The following SMURF2 variants were observed in gnomAD, a reference collection of about 807,000 sequenced individuals.
The protein encoded by SMURF2 is E3 ubiquitin-protein ligase SMURF2.
A neutral mutation model predicts 109.6 loss-of-function variants in SMURF2; 48 were observed. That is an observed-to-expected ratio of 0.44 (90% CI 0.35 to 0.56). The LOEUF (loss-of-function observed/expected upper bound fraction) is 0.56, where lower values mean the gene tolerates loss of function less well. Ranked by LOEUF, SMURF2 falls within the 20% of genes least tolerant of loss-of-function variation. SMURF2 has a pLI of 0.01. For synonymous variants in SMURF2, 288 were observed against 317.1 expected (o/e 0.91, Z 0.97); for missense variants, 575 against 909.0 (o/e 0.63, Z 4.72).
In SMURF2 at chr17:64,662,060, G is replaced by A; in HGVS notation, c.-180C>T. Reference sequence around the variant, plus strand: ...TGAGCCGCGGAGGGAGCGGGACGCCGAGCTCCCCCCTCCTCCCACTTCTCC... The same window carrying A: ...TGAGCCGCGGAGGGAGCGGGACGCCAAGCTCCCCCCTCCTCCCACTTCTCC... On this transcript the variant is annotated 5_prime_UTR_variant, in exon 1 of 19. Transcript: ENST00000262435. 2 of 1,104,160 alleles carry A rather than the reference G, an allele frequency of 1.8e-6. No individual in the cohort carries two copies. The highest frequency in any genetic ancestry group is 2.2e-6 in the Non-Finnish European group (2 of 906,512). 68.4% of individuals were successfully genotyped at this position (1,104,160 alleles called of 1,614,324 possible).
chr17:64,551,667 C>G lies in SMURF2; in HGVS notation c.1786G>C (p.Ala596Pro). Residue 596 changes from alanine to proline, a missense_variant, in exon 16 of 19, where the codon GCT becomes CCT. Ala to Pro is a conservative substitution (Grantham distance 27). Around this residue, in one of 5 missense-constraint regions of SMURF2, gnomAD observed 361 missense variants for 612.1 expected, o/e 0.59. Transcript: ENST00000262435. ...CCTTTCTGCAGAGCCAAGAATTGAG[C>G]CTCAATGCCTCGTAAAAATCTCCAG... ...VNWRFLRGIE[A>P]QFLALQKGFN... is the part of the protein sequence containing the mutation. The G allele has an allele frequency of 6.2e-7, 1 of 1,614,074 alleles. No homozygotes were observed. Among genetic ancestry groups the G allele is most frequent in the Non-Finnish European group, 8.5e-7 (1 of 1,179,978 alleles).
In SMURF2 at chr17:64,627,081, A is replaced by T. The variant is rs555451259; in HGVS notation, c.53-20441T>A. On this transcript the variant is annotated intron_variant, in intron 1 of 18. Coordinates refer to ENST00000262435, the MANE Select transcript of SMURF2 (RefSeq NM_022739.4). ...AAATTACAGATTCACAAACAAAATA[A>T]ATGTTGTTTTAAGCCACTAAGTTTT... is the stretch of plus-strand genomic sequence containing the variant. Among the ~76,000 whole-genome samples the T allele has an allele frequency of 3.3e-5, 5 of 151,214 alleles. No homozygotes were observed. In the East Asian group the frequency reaches 9.7e-4, roughly 29 times the overall value.
At chr17:64,649,598 T>C (rs1307544413) in intron 1 of SMURF2, among the ~76,000 whole-genome samples, 1 of 152,076 alleles carries the variant, frequency 6.6e-6, no homozygotes, top group Non-Finnish European at 1.5e-5. Context: ...TCCCAGCACT[T>C]TGGGAGGCTG....
intron 8 of SMURF2, 71 bp downstream of exon 8, chr17:64,580,718 A>G: frequency 2.8e-6 from 4 of 1,444,972 alleles, no homozygotes; most frequent in Non-Finnish European, 3.9e-6. Flanking sequence ...TTTTCAAAAT[A>G]TATTTTCTGA....
intron 10 of SMURF2, among the ~76,000 whole-genome samples, chr17:64,570,879 C>G (rs547925252): frequency 6.6e-6 from 1 of 152,314 alleles, no homozygotes; most frequent in Admixed American, 6.5e-5. Flanking sequence ...CTCCTGAGCT[C>G]AAGAGATCCT....
chr17:64,631,328 C>CAGAGAGAGAG (rs1282544902), intron 1 of SMURF2, among the ~76,000 whole-genome samples: 1,237 of 65,018 alleles, frequency 0.019, 43 homozygotes, highest in African/African-American at 0.079. Context: ...GAGAGAGAGA[C>CAGAGAGAGAG]AGAGAGAGAG....
chr17:64,572,125 C>G (rs1969406950), intron 9 of SMURF2, among the ~76,000 whole-genome samples, 169 bp from the exon 10 acceptor site: 1 of 152,234 alleles, frequency 6.6e-6, no homozygotes, highest in Non-Finnish European at 1.5e-5. Flanking sequence ...AAACTTTCAT[C>G]TTCAAAGCCC....
At chr17:64,592,847 A>G (rs1397205126) in intron 4 of SMURF2, among the ~76,000 whole-genome samples, 4 of 152,346 alleles carry the variant, frequency 2.6e-5, no homozygotes, top group African/African-American at 7.2e-5. Context: ...CTAAATCCTC[A>G]GGCTGATGAT....
chr17:64,660,189 A>T (rs917135298), intron 1 of SMURF2, among the ~76,000 whole-genome samples: 1 of 152,020 alleles, frequency 6.6e-6, no homozygotes, highest in African/African-American at 2.4e-5. Flanking sequence ...CAAAAACCCA[A>T]TTTTTTCCCT....
chr17:64,627,712 G>C (rs1555691283), intron 1 of SMURF2, among the ~76,000 whole-genome samples: 1 of 152,116 alleles, frequency 6.6e-6, no homozygotes, highest in South Asian at 2.1e-4. Context: ...ATACAAAACA[G>C]AGGCAGTTAG....
rs190443616 is a variant in SMURF2 at position 64,611,658 on chromosome 17, C to T, written c.53-5018G>A. ...TTACCGATGCCAACACCTTAGTCCA[C>T]CATCTACTGTCTAGGTAATTACAAC... On this transcript the variant is annotated intron_variant, in intron 1 of 18. Transcript: ENST00000262435. 1.0e-3 allele frequency among the ~76,000 whole-genome samples: 157 copies of T among 152,302 alleles called. 1 individual carries two copies. The Middle Eastern group carries it at 0.017, about 16-fold the overall frequency.
chr17:64,607,328 T>G (rs1265578193), intron 1 of SMURF2, among the ~76,000 whole-genome samples: 1 of 152,090 alleles, frequency 6.6e-6, no homozygotes, highest in East Asian at 1.9e-4. Flanking sequence ...ATTGCCCACT[T>G]TAAAGAGGAT....
At chr17:64,597,280 G>GC (rs1555688174) in intron 3 of SMURF2, among the ~76,000 whole-genome samples, 2 of 152,066 alleles carry the variant, frequency 1.3e-5, no homozygotes, top group Non-Finnish European at 2.9e-5. Flanking sequence ...GGGCATGGTG[G>GC]CATGCACCTG....
chr17:64,596,420 A>G (rs1969817718), intron 3 of SMURF2, among the ~76,000 whole-genome samples: 1 of 151,968 alleles, frequency 6.6e-6, no homozygotes, highest in Non-Finnish European at 1.5e-5. Context: ...TGTATTCAAC[A>G]TTTGGAGGTA....
intron 11 of SMURF2, 47 bp from the exon 12 acceptor site, chr17:64,561,650 G>T: frequency 7.2e-7 from 1 of 1,391,768 alleles, no homozygotes; most frequent in Non-Finnish European, 1.0e-6. Flanking sequence ...GGTCCTTTTA[G>T]CCTATTACTT....
rs781945084 is a variant in SMURF2 at position 64,562,892 on chromosome 17, G to A, written c.1091C>T (p.Thr364Ile). ...SLCPDDTECL[T>I]VPRYKRDLVQ... ...CAGGTCTCGCTTGTACCTTGGGACT[G>A]TCAGGCATTCTGTGTCATCAGGACA... Residue 364 changes from threonine to isoleucine, a missense_variant, in exon 11 of 19, where the codon ACA becomes ATA. Thr to Ile is a moderately conservative substitution (Grantham distance 89). Coordinates refer to ENST00000262435, the MANE Select transcript of SMURF2 (RefSeq NM_022739.4). 1 of 1,614,180 alleles carries A rather than the reference G, an allele frequency of 6.2e-7. No homozygotes were observed. Among genetic ancestry groups the A allele is most frequent in the Non-Finnish European group, 8.5e-7 (1 of 1,180,026 alleles).
intron 2 of SMURF2, 37 bp from the exon 3 acceptor site, chr17:64,598,527 A>G (rs1555688283): frequency 2.6e-6 from 4 of 1,509,536 alleles, no homozygotes; most frequent in Admixed American, 3.7e-5. Context: ...ATAATTTGAC[A>G]TTTAAGATAG....
Position 64,549,787 on chromosome 17 carries a change from AAAAC to A in SMURF2, c.1869+1793_1869+1796del, listed in dbSNP as rs570779023. Among the ~76,000 whole-genome samples the A allele has an allele frequency of 1.6e-3, 244 of 152,236 alleles. 1 individual carries two copies. Among genetic ancestry groups the A allele is most frequent in the South Asian group, 4.8e-3 (23 of 4,822 alleles). ...AATAAAAAAAAGAAAAAAGAGAAGAAAAACAAAGTTTCATGACCCATTAGCAGTA... is the reference window on the plus strand; with the variant it reads ...AATAAAAAAAAGAAAAAAGAGAAGAAAAAGTTTCATGACCCATTAGCAGTA... On this transcript the variant is annotated intron_variant, in intron 16 of 18. Coordinates refer to ENST00000262435, the MANE Select transcript of SMURF2 (RefSeq NM_022739.4).
At chr17:64,620,018 G>A (rs969335998) in intron 1 of SMURF2, among the ~76,000 whole-genome samples, 16 of 152,040 alleles carry the variant, frequency 1.1e-4, no homozygotes, top group African/African-American at 3.9e-4. Context: ...TTTCAAAATG[G>A]AATTCATCAG....
Sources: allele counts gnomAD v4.1 joint callset (sites outside exome capture counted in the v4.1 genomes callset), GRCh38; gene constraint gnomAD v4.1.1; regional missense constraint gnomAD v4.1.1; transcripts MANE v1.5; gene names NCBI Gene and HGNC (gene_info 2026-07-23, HGNC 2026-07-21).